CNTNAP2: variants seen among roughly 807,000 people sequenced by gnomAD.
The protein encoded by CNTNAP2 is contactin-associated protein-like 2.
CNTNAP2 carries 98 observed loss-of-function variants against 155.2 expected under a neutral mutation model. The ratio of observed to expected loss-of-function variants is 0.63; its 90% confidence interval spans 0.54 to 0.75. The LOEUF is 0.75. Ranked by LOEUF, CNTNAP2 falls within the 30% of genes least tolerant of loss-of-function variation. The probability of loss-of-function intolerance (pLI) is 0.00; values close to 1 mark genes in which losing one functional copy is unlikely to be tolerated. For synonymous variants in CNTNAP2, 651 were observed against 631.2 expected (o/e 1.03, Z -0.47); for missense variants, 1,727 against 1,688.1 (o/e 1.02, Z -0.40).
intron 20 of CNTNAP2, among the ~76,000 whole-genome samples, chr7:148,252,613 A>T (rs1188581748): frequency 6.6e-6 from 1 of 152,198 alleles, no homozygotes; most frequent in African/African-American, 2.4e-5. Flanking sequence ...ACAGCACATT[A>T]ACAAATCACT....
chr7:148,084,850 G>T (rs1803689777), intron 15 of CNTNAP2, among the ~76,000 whole-genome samples: 1 of 152,164 alleles, frequency 6.6e-6, no homozygotes. Context: ...TTCATTCAAG[G>T]CAATTTGGCT....
chr7:147,456,084 A>G (rs1283308000), intron 10 of CNTNAP2, among the ~76,000 whole-genome samples: 1 of 152,146 alleles, frequency 6.6e-6, no homozygotes, highest in Non-Finnish European at 1.5e-5. Flanking sequence ...ATATTTGTAT[A>G]TATAGTTTTG....
chr7:146,401,470 C>T (rs112373395), intron 1 of CNTNAP2, among the ~76,000 whole-genome samples: 145 of 152,168 alleles, frequency 9.5e-4, no homozygotes, highest in African/African-American at 3.0e-3. Flanking sequence ...ATTTTTTCCC[C>T]GGCATAATAT....
intron 1 of CNTNAP2, among the ~76,000 whole-genome samples, chr7:146,410,879 G>T (rs185986537): frequency 2.8e-4 from 42 of 152,258 alleles, no homozygotes; most frequent in Middle Eastern, 3.4e-3. Flanking sequence ...GTCTTTCTGT[G>T]CCTGGCTTAC....
chr7:147,855,384 A>T (rs1584993034), intron 13 of CNTNAP2, among the ~76,000 whole-genome samples: 1 of 152,046 alleles, frequency 6.6e-6, no homozygotes, highest in East Asian at 1.9e-4. Flanking sequence ...TTCTTCTCAG[A>T]CCTAGGATTA....
chr7:147,985,289 G>T (rs2116875221), intron 15 of CNTNAP2, among the ~76,000 whole-genome samples: 1 of 151,884 alleles, frequency 6.6e-6, no homozygotes, highest in East Asian at 1.9e-4. Flanking sequence ...TGGGGGTGGG[G>T]GGTGGGGAGT....
intron 13 of CNTNAP2, among the ~76,000 whole-genome samples, chr7:147,684,345 G>T (rs937493262): frequency 6.6e-6 from 1 of 151,670 alleles, no homozygotes; most frequent in Admixed American, 6.6e-5. Context: ...ACACACTGAA[G>T]AAAATAATTT....
At chr7:148,321,382 A>G (rs1248985109) in intron 21 of CNTNAP2, among the ~76,000 whole-genome samples, 1 of 152,212 alleles carries the variant, frequency 6.6e-6, no homozygotes, top group African/African-American at 2.4e-5. Context: ...TGTTGCCATC[A>G]GGGAGCTGGG....
At chr7:147,854,635 T>C (rs1799005942) in intron 13 of CNTNAP2, among the ~76,000 whole-genome samples, 1 of 152,220 alleles carries the variant, frequency 6.6e-6, no homozygotes, top group African/African-American at 2.4e-5. Flanking sequence ...AGCACAGTGG[T>C]TCCTAGCCAC....
chr7:146,187,001 C>T (rs940643192), intron 1 of CNTNAP2, among the ~76,000 whole-genome samples: 2 of 152,166 alleles, frequency 1.3e-5, no homozygotes, highest in South Asian at 2.1e-4. Context: ...ACTCCACTAG[C>T]CCTGCATCTT....
At chr7:147,031,447 A>G in intron 3 of CNTNAP2, among the ~76,000 whole-genome samples, 1 of 152,230 alleles carries the variant, frequency 6.6e-6, no homozygotes, top group Non-Finnish European at 1.5e-5. Context: ...ACCTGGAAAC[A>G]TCCCAGTATC....
chr7:146,750,506 G>T (rs758515784), intron 1 of CNTNAP2, among the ~76,000 whole-genome samples: 4 of 152,156 alleles, frequency 2.6e-5, no homozygotes, highest in Non-Finnish European at 4.4e-5. Context: ...TGTTGGATGT[G>T]GCGGAACACT....
Position 147,902,423 on chromosome 7 carries a change from T to A in CNTNAP2, c.2099-1142T>A, listed in dbSNP as rs578235267. Reference sequence around the variant, plus strand: ...TTTTTAAAAAAAACAAATTTATTTCTGTAGGTTTTTGGGTAACAGGTAGTA... The same window carrying A: ...TTTTTAAAAAAAACAAATTTATTTCAGTAGGTTTTTGGGTAACAGGTAGTA... On this transcript the variant is annotated intron_variant, in intron 13 of 23. Transcript: ENST00000361727. Among the ~76,000 whole-genome samples the A allele has an allele frequency of 3.9e-5, 6 of 152,320 alleles. No homozygotes were observed. The South Asian group carries it at 1.0e-3, about 26-fold the overall frequency.
intron 1 of CNTNAP2, among the ~76,000 whole-genome samples, chr7:146,613,521 G>A (rs1415768660): frequency 6.6e-6 from 1 of 151,954 alleles, no homozygotes; most frequent in Non-Finnish European, 1.5e-5. Context: ...AGTAAACAAA[G>A]ATAAATACAT....
chr7:147,406,749 T>C (rs946712626), intron 10 of CNTNAP2, among the ~76,000 whole-genome samples: 1 of 152,216 alleles, frequency 6.6e-6, no homozygotes, highest in African/African-American at 2.4e-5. Context: ...GTGAGGAGTA[T>C]GTGTGTGTTT....
intron 10 of CNTNAP2, among the ~76,000 whole-genome samples, chr7:147,444,677 A>C (rs1258370879): frequency 6.6e-6 from 1 of 151,958 alleles, no homozygotes; most frequent in Non-Finnish European, 1.5e-5. Context: ...GTTCCAAAAA[A>C]CTCCATGCCA....
At chr7:147,279,179 C>T (rs1157494033) in intron 8 of CNTNAP2, among the ~76,000 whole-genome samples, 1 of 151,518 alleles carries the variant, frequency 6.6e-6, no homozygotes, top group African/African-American at 2.4e-5. Context: ...TCAGATAATG[C>T]ACTAAAATTT....
intron 1 of CNTNAP2, among the ~76,000 whole-genome samples, chr7:146,690,268 T>C (rs138988781): frequency 6.6e-6 from 1 of 152,270 alleles, no homozygotes; most frequent in African/African-American, 2.4e-5. Context: ...CACAATTCAC[T>C]ACATAAAGAG....
chr7:147,630,472 G>T (rs900463568), intron 12 of CNTNAP2, among the ~76,000 whole-genome samples: 1 of 152,026 alleles, frequency 6.6e-6, no homozygotes, highest in Admixed American at 6.6e-5. Flanking sequence ...AAATCATTCT[G>T]TGAAGTCAAT....
Sources: gnomAD v4.1 joint callset for allele counts (sites outside exome capture counted in the v4.1 genomes callset) on GRCh38, gnomAD v4.1.1 for gene constraint, MANE v1.5 for transcripts, NCBI Gene and HGNC (gene_info 2026-07-23, HGNC 2026-07-21) for gene names.